Variants in LPIN2 observed in about 807,000 individuals in gnomAD.
LPIN2 encodes phosphatidate phosphatase LPIN2.
A neutral mutation model predicts 111.4 loss-of-function variants in LPIN2; 55 were observed. The ratio of observed to expected loss-of-function variants is 0.49; its 90% confidence interval spans 0.40 to 0.62. LPIN2 has a LOEUF of 0.62. Among genes scored for constraint, LPIN2 ranks in the 20% least tolerant of loss-of-function variants. The pLI, the probability that LPIN2 is intolerant of heterozygous loss-of-function variation, is 0.00. For missense variants in LPIN2, 992 were observed against 1,112.1 expected (o/e 0.89, Z 1.54); for synonymous variants, 425 against 414.0 (o/e 1.03, Z -0.32).
intron 12 of LPIN2, among the ~76,000 whole-genome samples, chr18:2,927,243 C>T (rs1362334648): frequency 1.3e-5 from 2 of 152,134 alleles, no homozygotes; most frequent in African/African-American, 4.8e-5. Context: ...CCCTCTTTTT[C>T]AGAAGGTGTT....
chr18:2,993,134 G>A (rs1962490729), intron 1 of LPIN2, among the ~76,000 whole-genome samples: 3 of 149,154 alleles, frequency 2.0e-5, no homozygotes, highest in Admixed American at 2.0e-4. Context: ...AACAGAGCGA[G>A]ACCCTGACGG....
chr18:2,980,843 G>C (rs545258072), intron 1 of LPIN2, among the ~76,000 whole-genome samples: 1 of 152,146 alleles, frequency 6.6e-6, no homozygotes, highest in African/African-American at 2.4e-5. Context: ...AATTCTATAA[G>C]CATTTCTGAG....
At chr18:2,941,286 C>T (rs1598545920) in intron 4 of LPIN2, among the ~76,000 whole-genome samples, 1 of 151,900 alleles carries the variant, frequency 6.6e-6, no homozygotes, top group African/African-American at 2.4e-5. Context: ...TTTGTTTGGC[C>T]CAAGGATTAT....
chr18:2,995,850 G>C (rs1331405627), intron 1 of LPIN2, among the ~76,000 whole-genome samples: 1 of 152,174 alleles, frequency 6.6e-6, no homozygotes, highest in African/African-American at 2.4e-5. Flanking sequence ...ATGTTTTCCA[G>C]AATGACAGCA....
chr18:2,956,757 AACACTTC>A (rs1170959780), intron 2 of LPIN2, among the ~76,000 whole-genome samples: 1 of 152,222 alleles, frequency 6.6e-6, no homozygotes, highest in Admixed American at 6.5e-5. Flanking sequence ...CAGAAAAATT[AACACTTC>A]ACAGCCCTTA....
intron 16 of LPIN2, among the ~76,000 whole-genome samples, chr18:2,923,290 T>G (rs1046473350): frequency 6.6e-6 from 1 of 151,746 alleles, no homozygotes; most frequent in Admixed American, 6.6e-5. Flanking sequence ...CATGGTGGCA[T>G]GTGCCGGTAA....
chr18:3,008,879 G>GTTTTTTTTTTT (rs76748358), intron 1 of LPIN2, among the ~76,000 whole-genome samples: 1 of 123,294 alleles, frequency 8.1e-6, no homozygotes, highest in African/African-American at 3.2e-5. Flanking sequence ...CCACAGCTGT[G>GTTTTTTTTTTT]TTTTTTTTTT....
intron 4 of LPIN2, among the ~76,000 whole-genome samples, chr18:2,940,920 T>C (rs577613955): frequency 1.6e-4 from 25 of 152,066 alleles, no homozygotes; most frequent in African/African-American, 5.3e-4. Context: ...ATGGAATAAA[T>C]AGGGGGAGGA....
chr18:2,920,192 C>G lies in LPIN2; in HGVS notation c.*101G>C. 1 of 1,529,650 alleles carries G rather than the reference C, an allele frequency of 6.5e-7. No individual in the cohort carries two copies. The highest frequency in any genetic ancestry group is 9.0e-7 in the Non-Finnish European group (1 of 1,108,666). The allele number at this position is 1,529,650 out of a possible 1,614,324, so 94.8% of individuals were successfully genotyped here. A position where few individuals can be genotyped will look rare whatever the true frequency, so the allele number is the denominator to read the frequency against. ...GGACCAGCTCCAGAAGCACCCGTCC[C>G]CGCTGGGGAAGGCTGGTATCTGAGG... On this transcript the variant is annotated 3_prime_UTR_variant, in exon 20 of 20. Coordinates refer to ENST00000677752, the MANE Select transcript of LPIN2 (RefSeq NM_001375808.2).
chr18:2,994,445 C>T (rs1567859693), intron 1 of LPIN2, among the ~76,000 whole-genome samples: 1 of 152,120 alleles, frequency 6.6e-6, no homozygotes, highest in African/African-American at 2.4e-5. Flanking sequence ...CCATGGAGGC[C>T]GGGCCATGGG....
chr18:2,961,916 C>G (rs1477521504), intron 1 of LPIN2, among the ~76,000 whole-genome samples: 1 of 152,216 alleles, frequency 6.6e-6, no homozygotes, highest in African/African-American at 2.4e-5. Flanking sequence ...TCCAGGCTGT[C>G]TGCCATAAGC....
intron 7 of LPIN2, among the ~76,000 whole-genome samples, chr18:2,936,069 C>T (rs2077281458): frequency 6.6e-6 from 1 of 152,166 alleles, no homozygotes; most frequent in African/African-American, 2.4e-5. Flanking sequence ...GTTAAGCCAC[C>T]ATTCGCTAGA....
At chr18:2,945,913 C>T in intron 4 of LPIN2, 1 of 1,419,078 alleles carries the variant, frequency 7.0e-7, no homozygotes, top group Non-Finnish European at 1.0e-6. Flanking sequence ...TTTTGTACAG[C>T]CCTCTTGGTC....
chr18:2,983,022 T>C, intron 1 of LPIN2: 1 of 300,440 alleles, frequency 3.3e-6, no homozygotes, highest in South Asian at 2.9e-5. Context: ...GCCATGTGTT[T>C]ACACTGATAG....
intron 1 of LPIN2, among the ~76,000 whole-genome samples, chr18:3,009,093 TTCTC>T (rs2078562194): frequency 6.6e-6 from 1 of 152,116 alleles, no homozygotes; most frequent in African/African-American, 2.4e-5. Context: ...ACAGGGAGAC[TTCTC>T]TCTTTCAAAA....
chr18:2,972,687 C>CA (rs2077940803), intron 1 of LPIN2, among the ~76,000 whole-genome samples: 2 of 152,202 alleles, frequency 1.3e-5, no homozygotes, highest in African/African-American at 4.8e-5. Flanking sequence ...GCAGCACCCT[C>CA]AAAAGGGGGC....
intron 13 of LPIN2, among the ~76,000 whole-genome samples, chr18:2,926,271 G>T (rs2144137375): frequency 6.6e-6 from 1 of 152,378 alleles, no homozygotes; most frequent in South Asian, 2.1e-4. Context: ...CTGGCCGGGG[G>T]AGGTGGACAG....
chr18:2,952,856 A>G (rs2077557656), intron 3 of LPIN2, among the ~76,000 whole-genome samples: 1 of 152,238 alleles, frequency 6.6e-6, no homozygotes, highest in African/African-American at 2.4e-5. Context: ...ACTATGGAAT[A>G]CTGTGCAGCT....
Position 2,927,940 on chromosome 18 carries a change from C to T in LPIN2, c.1621-129G>A, listed in dbSNP as rs185018315. 9 of 794,810 alleles carry T rather than the reference C, an allele frequency of 1.1e-5. No homozygotes were observed. In the East Asian group the frequency reaches 1.2e-4, roughly 11 times the overall value. The allele number at this position is 794,810 out of a possible 1,614,324, so 49.2% of individuals were successfully genotyped here. A position where few individuals can be genotyped will look rare whatever the true frequency, so the allele number is the denominator to read the frequency against. On this transcript the variant is annotated intron_variant, in intron 11 of 19. Transcript: ENST00000677752. ...CGTGACCGATGCTCTCTTCACACCT[C>T]CCAGATTCCTCTAGCGTTTTTAACA...
Sources: allele counts gnomAD v4.1 joint callset (sites outside exome capture counted in the v4.1 genomes callset), GRCh38; gene constraint gnomAD v4.1.1; transcripts MANE v1.5; gene names NCBI Gene and HGNC (gene_info 2026-07-23, HGNC 2026-07-21).